FMN1: variants seen among roughly 807,000 people sequenced by gnomAD.
FMN1 encodes the protein formin 1, also known as formin-1.
A neutral mutation model predicts 132.4 loss-of-function variants in FMN1; 110 were observed. That is an observed-to-expected ratio of 0.83 (90% CI 0.71 to 0.97). The LOEUF (loss-of-function observed/expected upper bound fraction) is 0.97, where lower values mean the gene tolerates loss of function less well. Among genes scored for constraint, FMN1 ranks in the 50% least tolerant of loss-of-function variants. The pLI, the probability that FMN1 is intolerant of heterozygous loss-of-function variation, is 0.00. For missense variants in FMN1, 1,792 were observed against 1,705.3 expected (o/e 1.05, Z -0.90); for synonymous variants, 722 against 651.7 (o/e 1.11, Z -1.64).
chr15:32,786,720 A>G (rs576060734), intron 19 of FMN1, among the ~76,000 whole-genome samples: 7 of 152,196 alleles, frequency 4.6e-5, no homozygotes, highest in Non-Finnish European at 1.0e-4. Context: ...TCTTTTTCTC[A>G]TTAGGCTTAC....
At chr15:33,122,004 G>A (rs927172253) in intron 4 of FMN1, among the ~76,000 whole-genome samples, 1 of 152,170 alleles carries the variant, frequency 6.6e-6, no homozygotes, top group Non-Finnish European at 1.5e-5. Flanking sequence ...ACAATATGAA[G>A]AGGACACGAT....
intron 18 of FMN1, among the ~76,000 whole-genome samples, chr15:32,802,739 TTC>T (rs1215703909): frequency 6.6e-6 from 1 of 152,188 alleles, no homozygotes; most frequent in Non-Finnish European, 1.5e-5. Context: ...GAAGCTGAAT[TTC>T]TGTTTGGCCT....
intron 3 of FMN1, among the ~76,000 whole-genome samples, chr15:33,176,487 C>T (rs956304687): frequency 8.7e-6 from 1 of 115,214 alleles, no homozygotes; most frequent in Non-Finnish European, 1.6e-5. Context: ...GCCTGGGCGA[C>T]AGAGTGAGAC....
intron 3 of FMN1, among the ~76,000 whole-genome samples, chr15:33,160,052 G>A (rs531027793): frequency 1.3e-5 from 2 of 152,192 alleles, no homozygotes; most frequent in Non-Finnish European, 2.9e-5. Flanking sequence ...GAGCCTCAGA[G>A]AGCCCAGAAG....
chr15:32,973,626 T>G (rs368004513), intron 7 of FMN1, among the ~76,000 whole-genome samples: 1 of 150,892 alleles, frequency 6.6e-6, no homozygotes, highest in East Asian at 1.9e-4. Flanking sequence ...TCATAATCTC[T>G]CTTGATCATT....
At chr15:32,890,784 T>C (rs2060008501) in intron 15 of FMN1, among the ~76,000 whole-genome samples, 2 of 152,246 alleles carry the variant, frequency 1.3e-5, no homozygotes, top group Admixed American at 1.3e-4. Flanking sequence ...TTGCATTTGC[T>C]TGTGGGTTCT....
intron 4 of FMN1, chr15:33,105,949 T>G (rs2039468301): frequency 6.6e-6 from 1 of 152,122 alleles, no homozygotes; most frequent in African/African-American, 2.4e-5. Flanking sequence ...CTGAGTCTGC[T>G]GCTCTTTGAT....
chr15:32,882,986 GA>G (rs1297510093), intron 16 of FMN1, among the ~76,000 whole-genome samples: 1 of 152,246 alleles, frequency 6.6e-6, no homozygotes, highest in African/African-American at 2.4e-5. Context: ...CAGAATCAAA[GA>G]GGATGGTGAC....
intron 3 of FMN1, among the ~76,000 whole-genome samples, chr15:33,164,852 A>T (rs1965034884): frequency 6.6e-6 from 1 of 152,210 alleles, no homozygotes; most frequent in Admixed American, 6.5e-5. Flanking sequence ...ATATTCTGAT[A>T]CAGGCATATA....
At chr15:33,098,990 G>C (rs2039190504) in intron 4 of FMN1, among the ~76,000 whole-genome samples, 1 of 152,178 alleles carries the variant, frequency 6.6e-6, no homozygotes, top group South Asian at 2.1e-4. Context: ...GAATAGCCCA[G>C]GCGTGGTGGC....
chr15:32,846,677 A>G (rs528928079), intron 17 of FMN1, among the ~76,000 whole-genome samples: 44 of 152,294 alleles, frequency 2.9e-4, no homozygotes, highest in African/African-American at 9.6e-4. Context: ...CTAGAACCAT[A>G]AATGCCATTT....
intron 4 of FMN1, among the ~76,000 whole-genome samples, chr15:33,130,941 C>T (rs1963515168): frequency 6.6e-6 from 1 of 152,146 alleles, no homozygotes; most frequent in African/African-American, 2.4e-5. Flanking sequence ...TCAGTTTCTA[C>T]ATCTGTAGAG....
chr15:33,025,645 G>T (rs1392476559), intron 6 of FMN1, among the ~76,000 whole-genome samples: 2 of 152,100 alleles, frequency 1.3e-5, no homozygotes, highest in African/African-American at 4.8e-5. Context: ...TTTGTTCTAA[G>T]AATGTAGGAA....
At chr15:33,191,697 C>A (rs1966084871) in intron 2 of FMN1, among the ~76,000 whole-genome samples, 1 of 152,216 alleles carries the variant, frequency 6.6e-6, no homozygotes, top group Non-Finnish European at 1.5e-5. Flanking sequence ...TTCTTTACAT[C>A]TCCCCGCTTT....
At chr15:32,980,199 C>CGT (rs1567500296) in intron 7 of FMN1, among the ~76,000 whole-genome samples, 2 of 136,760 alleles carry the variant, frequency 1.5e-5, no homozygotes, top group African/African-American at 6.6e-5. Context: ...TTATACAAGA[C>CGT]ATAAGATGCC....
intron 10 of FMN1, 104 bp from the exon 11 acceptor site, chr15:32,910,639 T>C (rs980256139): frequency 9.3e-6 from 8 of 859,322 alleles, no homozygotes; most frequent in Non-Finnish European, 1.5e-5. Flanking sequence ...GAGTATTGCG[T>C]TTTCTTACAC....
At chr15:32,998,827 C>A (rs1201400605) in intron 7 of FMN1, among the ~76,000 whole-genome samples, 13 of 152,212 alleles carry the variant, frequency 8.5e-5, no homozygotes, top group Non-Finnish European at 1.5e-4. Context: ...CATTGGCCCC[C>A]ATGATACAAA....
Position 32,969,163 on chromosome 15 carries a change from G to C in FMN1, c.2538C>G (p.Asp846Glu). 6.2e-7 allele frequency: 1 copy of C among 1,613,944 alleles called. No individual in the cohort carries two copies. The highest frequency in any genetic ancestry group is 8.5e-7 in the Non-Finnish European group (1 of 1,179,884). ...GGAGTGCTGCATGGATGTCTTTGTG[G>C]TCATTTGGGGGTGAGAGCTGGCTTA... ...SSLSQLSPPN[D>E]HKDIHAALQP... Residue 846 changes from aspartate (D) to glutamate (E), a missense_variant, in exon 8 of 21, where the codon GAC (aspartate) becomes GAG (glutamate). Transcript: ENST00000616417.
intron 5 of FMN1, chr15:33,067,272 C>A: frequency 1.2e-6 from 2 of 1,613,700 alleles, no homozygotes. Flanking sequence ...CTTTGAGGAT[C>A]TTCTGCACAG....
Sources: gnomAD v4.1 joint callset for allele counts (sites outside exome capture counted in the v4.1 genomes callset) on GRCh38, gnomAD v4.1.1 for gene constraint, MANE v1.5 for transcripts, NCBI Gene and HGNC (gene_info 2026-07-23, HGNC 2026-07-21) for gene names.